Variants in CCNYL1 observed in about 807,000 individuals in gnomAD.
CCNYL1 encodes the protein cyclin Y like 1, also known as cyclin-Y-like protein 1.
Under a neutral mutation model 44.2 loss-of-function variants are expected in CCNYL1, and 16 were observed. The ratio of observed to expected loss-of-function variants is 0.36; its 90% CI spans 0.25 to 0.55. The LOEUF is 0.55. Ranked by LOEUF, CCNYL1 falls within the 20% of genes least tolerant of loss-of-function variation. CCNYL1 has a pLI of 0.85. For synonymous variants in CCNYL1, 159 were observed against 163.2 expected, an observed-to-expected ratio of 0.97 and a Z score of 0.20; for missense variants, 348 against 451.8, an observed-to-expected ratio of 0.77 and a Z score of 2.08.
intron 1 of CCNYL1, among the ~76,000 whole-genome samples, chr2:207,718,970 G>A (rs1309856138): frequency 2.7e-5 from 4 of 149,690 alleles, no homozygotes; most frequent in Admixed American, 1.3e-4. Flanking sequence ...GAATTATGGA[G>A]CTGTTAAAAA....
intron 8 of CCNYL1, among the ~76,000 whole-genome samples, chr2:207,747,930 CATTT>C (rs1157413335): frequency 1.3e-5 from 2 of 152,086 alleles, no homozygotes; most frequent in African/African-American, 4.8e-5. Context: ...TTCATTCATT[CATTT>C]ATATCTTTTC....
chr2:207,735,382 C>T (rs1314479615), intron 4 of CCNYL1, among the ~76,000 whole-genome samples: 1 of 152,194 alleles, frequency 6.6e-6, no homozygotes, highest in Non-Finnish European at 1.5e-5. Context: ...AATATATGTC[C>T]ACAAACAAAT....
intron 4 of CCNYL1, among the ~76,000 whole-genome samples, chr2:207,735,234 T>A (rs1030431790): frequency 4.6e-5 from 7 of 152,264 alleles, no homozygotes; most frequent in Non-Finnish European, 1.0e-4. Context: ...ATTTCACTAC[T>A]GGTTAAATAA....
intron 1 of CCNYL1, among the ~76,000 whole-genome samples, chr2:207,713,883 CT>C (rs1245734714): frequency 3.3e-4 from 50 of 152,292 alleles, no homozygotes; most frequent in African/African-American, 1.2e-3. Flanking sequence ...TTAATGCTCT[CT>C]TAGTGGTGTC....
chr2:207,734,083 G>A, intron 4 of CCNYL1, 36 bp downstream of exon 4: 1 of 1,349,376 alleles, frequency 7.4e-7, no homozygotes, highest in Non-Finnish European at 1.1e-6. Context: ...CTGAGTGACA[G>A]ACCCCCTTAT....
At chr2:207,716,677 A>G (rs2091598042) in intron 1 of CCNYL1, among the ~76,000 whole-genome samples, 2 of 152,210 alleles carry the variant, frequency 1.3e-5, no homozygotes, top group Admixed American at 1.3e-4. Context: ...TTCTAGTAAC[A>G]TCATACACAG....
At chr2:207,719,446 A>G (rs1042629960) in intron 1 of CCNYL1, among the ~76,000 whole-genome samples, 1 of 151,556 alleles carries the variant, frequency 6.6e-6, no homozygotes, top group Non-Finnish European at 1.5e-5. Flanking sequence ...GACTACAGGC[A>G]TGTGCCACCA....
At chr2:207,716,616 C>G (rs1269404909) in intron 1 of CCNYL1, among the ~76,000 whole-genome samples, 1 of 152,158 alleles carries the variant, frequency 6.6e-6, no homozygotes, top group African/African-American at 2.4e-5. Flanking sequence ...AATGTACCAT[C>G]AGATGGTTGG....
chr2:207,712,901 CG>C (rs1430916193), intron 1 of CCNYL1, among the ~76,000 whole-genome samples: 2 of 152,184 alleles, frequency 1.3e-5, no homozygotes, highest in Non-Finnish European at 2.9e-5. Context: ...CTGCAACCTC[CG>C]CCTCTCGGTT....
intron 7 of CCNYL1, among the ~76,000 whole-genome samples, chr2:207,746,144 T>A (rs1323229836): frequency 1.3e-5 from 2 of 152,152 alleles, no homozygotes; most frequent in Non-Finnish European, 2.9e-5. Flanking sequence ...TCCAGAGACA[T>A]CCTTTTGTCC....
intron 7 of CCNYL1, among the ~76,000 whole-genome samples, chr2:207,742,797 C>T (rs1221092437): frequency 1.3e-5 from 2 of 152,128 alleles, no homozygotes; most frequent in African/African-American, 4.8e-5. Context: ...TTCTTTGTTC[C>T]TTGGATGATG....
Position 207,711,731 on chromosome 2 carries a change from GGCGGGCGAACC to G in CCNYL1, c.-157_-147del, listed in dbSNP as rs1026763272. 2.1e-5 allele frequency: 6 copies of G among 282,606 alleles called. No homozygotes were observed. Among genetic ancestry groups the G allele is most frequent in the Non-Finnish European group, 2.5e-5 (4 of 158,754 alleles). 17.5% of individuals were successfully genotyped at this position (282,606 alleles called of 1,614,324 possible). A position where few individuals can be genotyped will look rare whatever the true frequency, so the allele number is the denominator to read the frequency against. On this transcript the variant is annotated 5_prime_UTR_variant, in exon 1 of 10. Coordinates refer to ENST00000295414, the MANE Select transcript of CCNYL1 (RefSeq NM_001330218.2). ...CTGCCCGGGGCCGGGCCGCGGGGCG[GGCGGGCGAACC>G]GCGGGCGAGGCGGCGTCTGCTTGCG...
chr2:207,742,474 T>C, intron 7 of CCNYL1, 132 bp downstream of exon 7: 1 of 803,368 alleles, frequency 1.2e-6, no homozygotes, highest in Non-Finnish European at 1.9e-6. Context: ...GAAAGGAACA[T>C]AAATACGTAC....
intron 3 of CCNYL1, among the ~76,000 whole-genome samples, chr2:207,732,756 T>C (rs2091737820): frequency 6.6e-6 from 1 of 152,248 alleles, no homozygotes; most frequent in Non-Finnish European, 1.5e-5. Flanking sequence ...AATAAATGGA[T>C]ACTTCTAAAG....
At chr2:207,723,095 A>G (rs1014821249) in intron 1 of CCNYL1, among the ~76,000 whole-genome samples, 1 of 152,216 alleles carries the variant, frequency 6.6e-6, no homozygotes, top group Non-Finnish European at 1.5e-5. Context: ...AAAAACTTCA[A>G]ACATAATTTT....
Position 207,755,378 on chromosome 2 carries a change from A to G in CCNYL1, c.*1680A>G, listed in dbSNP as rs1332830199. The G allele has an allele frequency of 6.6e-6, 1 of 152,210 alleles. No individual in the cohort carries two copies. Among genetic ancestry groups the G allele is most frequent in the Non-Finnish European group, 1.5e-5 (1 of 68,040 alleles). 9.4% of individuals were successfully genotyped at this position (152,210 alleles called of 1,614,324 possible). A position where few individuals can be genotyped will look rare whatever the true frequency, so the allele number is the denominator to read the frequency against. On this transcript the variant is annotated 3_prime_UTR_variant, in exon 10 of 10. Coordinates refer to ENST00000295414, the MANE Select transcript of CCNYL1 (RefSeq NM_001330218.2). ...CTGGGCGACATCCAGACCCTGTCTCAAAGAAAAAAGCAGAAGAAAAATGTT... is the reference window on the plus strand; with the variant it reads ...CTGGGCGACATCCAGACCCTGTCTCGAAGAAAAAAGCAGAAGAAAAATGTT...
intron 9 of CCNYL1, among the ~76,000 whole-genome samples, chr2:207,751,954 G>C (rs2091895405): frequency 6.6e-6 from 1 of 151,902 alleles, no homozygotes. Flanking sequence ...AGCATCGCTT[G>C]AACCTGGGAG....
chr2:207,732,745 A>G (rs1454469697), intron 3 of CCNYL1, among the ~76,000 whole-genome samples: 1 of 152,220 alleles, frequency 6.6e-6, no homozygotes, highest in African/African-American at 2.4e-5. Flanking sequence ...CACTCTTCCC[A>G]AATAAATGGA....
chr2:207,725,579 A>AT (rs1239205701), intron 2 of CCNYL1, among the ~76,000 whole-genome samples: 1 of 152,224 alleles, frequency 6.6e-6, no homozygotes, highest in Non-Finnish European at 1.5e-5. Flanking sequence ...TGAATCTGTG[A>AT]TTTTGGCTTC....
Sources: gnomAD v4.1 joint callset for allele counts (sites outside exome capture counted in the v4.1 genomes callset) on GRCh38, gnomAD v4.1.1 for gene constraint, MANE v1.5 for transcripts, NCBI Gene and HGNC (gene_info 2026-07-23, HGNC 2026-07-21) for gene names.